KIAA0319: variants seen among roughly 807,000 people sequenced by gnomAD.
The protein encoded by KIAA0319 is KIAA0319, also known as dyslexia-associated protein KIAA0319.
KIAA0319 carries 83 observed loss-of-function variants against 108.4 expected under a neutral mutation model. The ratio of observed to expected loss-of-function variants is 0.77; its 90% CI spans 0.64 to 0.92. The LOEUF is 0.92. Ranked by LOEUF, KIAA0319 falls within the 40% of genes least tolerant of loss-of-function variation. KIAA0319 has a pLI of 0.00. For synonymous variants in KIAA0319, 484 were observed against 510.4 expected, an observed-to-expected ratio of 0.95 and a Z score of 0.70; for missense variants, 1,195 against 1,322.4, an observed-to-expected ratio of 0.90 and a Z score of 1.49.
chr6:24,563,587 G>C (rs1763409315), intron 15 of KIAA0319, 69 bp from the exon 16 acceptor site: 13 of 1,423,202 alleles, frequency 9.1e-6, no homozygotes, highest in Non-Finnish European at 1.1e-5. Flanking sequence ...AAGGAGCGAG[G>C]TTTCTATAGG....
chr6:24,569,744 T>C (rs1290112598), intron 12 of KIAA0319, among the ~76,000 whole-genome samples, 159 bp downstream of exon 12: 1 of 152,210 alleles, frequency 6.6e-6, no homozygotes, highest in Non-Finnish European at 1.5e-5. Context: ...ACACTTAATG[T>C]ACTCTTCAAT....
At chr6:24,554,206 G>A (rs73388230) in intron 19 of KIAA0319, among the ~76,000 whole-genome samples, 6,648 of 152,222 alleles carry the variant, frequency 0.044, 420 homozygotes, top group African/African-American at 0.14. Context: ...TGGTGTGTGC[G>A]AAGAAACTCC....
rs1270369552 is a variant in KIAA0319, at chr6:24,599,413, C to G, written c.55+1636G>C. 2 of 549,658 alleles carry G rather than the reference C, an allele frequency of 3.6e-6. No homozygotes were observed. Among genetic ancestry groups the G allele is most frequent in the Non-Finnish European group, 7.0e-6 (2 of 285,606 alleles). The allele number at this position is 549,658 out of a possible 1,614,324, so 34.0% of individuals were successfully genotyped here. A position where few individuals can be genotyped will look rare whatever the true frequency, so the allele number is the denominator to read the frequency against. On this transcript the variant is annotated intron_variant, in intron 2 of 20. Coordinates refer to ENST00000378214, the MANE Select transcript of KIAA0319 (RefSeq NM_014809.4). The surrounding 1 kb of genome is among the most constrained non-coding windows in gnomAD (Gnocchi z 4.1). ...ATTAAGGATGCCAATGCCAAGCTGT[C>G]CAAGCTGGAGGCCACCCTGCAGTGG...
At chr6:24,557,246 A>T (rs1762432968) in intron 17 of KIAA0319, among the ~76,000 whole-genome samples, 1 of 152,032 alleles carries the variant, frequency 6.6e-6, no homozygotes, top group African/African-American at 2.4e-5. Flanking sequence ...TCACGCCTGT[A>T]ATCCCGGCAC....
At chr6:24,572,878 G>A (rs1764926229) in intron 10 of KIAA0319, among the ~76,000 whole-genome samples, 180 bp from the exon 11 acceptor site, 1 of 152,174 alleles carries the variant, frequency 6.6e-6, no homozygotes, top group Admixed American at 6.5e-5. Context: ...CACTTTAGGA[G>A]GCCAAGGCAG....
At chr6:24,624,017 C>CTTTTTTTTTTT (rs536970883) in intron 1 of KIAA0319, among the ~76,000 whole-genome samples, 1 of 50,538 alleles carries the variant, frequency 2.0e-5, no homozygotes, top group Admixed American at 2.3e-4. Context: ...TCTTTGTTTT[C>CTTTTTTTTTTT]TTTTTTTTTT....
chr6:24,546,965 T>C lies in KIAA0319; in HGVS notation c.*200A>G. ...GAGTTTTACCCAGCCTTTATTTCTATTAACAAGCATCTCAGTTAAAAGAGC... is the reference window on the plus strand; with the variant it reads ...GAGTTTTACCCAGCCTTTATTTCTACTAACAAGCATCTCAGTTAAAAGAGC... On this transcript the variant is annotated 3_prime_UTR_variant, in exon 21 of 21. Transcript: ENST00000378214. The C allele has an allele frequency of 1.8e-6, 1 of 543,282 alleles. No homozygotes were observed. The highest frequency in any genetic ancestry group is 3.3e-6 in the Non-Finnish European group (1 of 304,702). 33.7% of individuals were successfully genotyped at this position (543,282 alleles called of 1,614,324 possible).
At chr6:24,629,340 C>T (rs1775178244) in intron 1 of KIAA0319, among the ~76,000 whole-genome samples, 1 of 151,638 alleles carries the variant, frequency 6.6e-6, no homozygotes, top group African/African-American at 2.4e-5. Flanking sequence ...ACGGTGAAAC[C>T]CCATCTCTAC....
At position 24,564,348 on chromosome 6, in the gene KIAA0319, A is replaced by C. The variant is rs751126414; in HGVS notation, c.2293-8T>G. On this transcript the variant is annotated splice_region_variant and splice_polypyrimidine_tract_variant and intron_variant, in intron 14 of 20. Coordinates refer to ENST00000378214, the MANE Select transcript of KIAA0319 (RefSeq NM_014809.4). ...AGAGCCATCGATGACATCCTGCGAA[A>C]GAACACGGATCACAGGGCAGCTGTC... 8.7e-6 allele frequency: 14 copies of C among 1,614,070 alleles called. No homozygotes were observed. Among genetic ancestry groups the C allele is most frequent in the Admixed American group, 1.7e-5 (1 of 60,010 alleles).
In KIAA0319 at chr6:24,599,080, C is replaced by G. The variant is rs745384710; in HGVS notation, c.55+1969G>C. The G allele has an allele frequency of 8.3e-6, 6 of 725,548 alleles. No homozygotes were observed. The highest frequency in any genetic ancestry group is 4.0e-5 in the Admixed American group (2 of 50,224). The allele number at this position is 725,548 out of a possible 1,614,324, so 44.9% of individuals were successfully genotyped here. On this transcript the variant is annotated intron_variant, in intron 2 of 20. Coordinates refer to ENST00000378214, the MANE Select transcript of KIAA0319 (RefSeq NM_014809.4). This position sits in a 1 kb window ranked among gnomAD's most constrained non-coding sequence, Gnocchi z 4.1. Reference sequence around the variant, plus strand: ...CTGCAGTCCCAGATCTGGGACACATCTGTGGTGCTGTCCATGGACAACAGC... The same window carrying G: ...CTGCAGTCCCAGATCTGGGACACATGTGTGGTGCTGTCCATGGACAACAGC...
intron 9 of KIAA0319, among the ~76,000 whole-genome samples, chr6:24,577,668 T>C (rs1019512672): frequency 6.6e-6 from 1 of 152,160 alleles, no homozygotes. Flanking sequence ...CATTCTGAGC[T>C]TCCTTCCACA....
At chr6:24,625,929 A>G (rs1194065596) in intron 1 of KIAA0319, among the ~76,000 whole-genome samples, 1 of 152,224 alleles carries the variant, frequency 6.6e-6, no homozygotes, top group African/African-American at 2.4e-5. Flanking sequence ...AACCTAAATG[A>G]ATGGAAATAA....
chr6:24,554,052 G>T (rs764415030), intron 19 of KIAA0319, among the ~76,000 whole-genome samples: 1 of 152,248 alleles, frequency 6.6e-6, no homozygotes, highest in Non-Finnish European at 1.5e-5. Context: ...CCTGGGGTAT[G>T]CAACTGGCAT....
intron 4 of KIAA0319, 95 bp downstream of exon 4, chr6:24,588,498 C>A: frequency 1.0e-6 from 1 of 991,050 alleles, no homozygotes; most frequent in Non-Finnish European, 1.6e-6. Context: ...GAAAAATGTG[C>A]CTGGAGGGAA....
chr6:24,592,516 T>A (rs1386238953), intron 3 of KIAA0319, among the ~76,000 whole-genome samples: 1 of 152,148 alleles, frequency 6.6e-6, no homozygotes, highest in African/African-American at 2.4e-5. Context: ...TTCTCCTACC[T>A]CCATCTCCCA....
rs766293131 is a variant in KIAA0319, at chr6:24,596,313, G to A, written c.361C>T (p.Leu121=). 3 of 1,614,030 alleles carry A rather than the reference G, an allele frequency of 1.9e-6. No individual in the cohort carries two copies. Among genetic ancestry groups the A allele is most frequent in the East Asian group, 2.2e-5 (1 of 44,886 alleles). The change falls in exon 3 of 21, where the codon CTG becomes TTG. Residue 121 remains leucine, a synonymous_variant. Transcript: ENST00000378214. ...ATCCCCGAGGGGGAGCCCCTGTTCA[G>A]CATCATGTCCCCATAGTCCAGCAGC... ...AQLLDYGDMM[L]NRGSPSGIWG... is the part of the protein sequence containing the mutation.
chr6:24,546,349 T>C lies in KIAA0319; in HGVS notation c.*816A>G, dbSNP rs1222207533. The C allele has an allele frequency of 6.6e-6, 1 of 152,176 alleles. No individual in the cohort carries two copies. The highest frequency in any genetic ancestry group is 2.4e-5 in the African/African-American group (1 of 41,434). The allele number at this position is 152,176 out of a possible 1,614,324, so 9.4% of individuals were successfully genotyped here. A position where few individuals can be genotyped will look rare whatever the true frequency, so the allele number is the denominator to read the frequency against. ...AAATGCTTAATGAATTAATCACTTCTATTGCATTTAATGTAAACTGGGGAT... is the reference window on the plus strand; with the variant it reads ...AAATGCTTAATGAATTAATCACTTCCATTGCATTTAATGTAAACTGGGGAT... On this transcript the variant is annotated 3_prime_UTR_variant, in exon 21 of 21. Transcript: ENST00000378214.
intron 1 of KIAA0319, among the ~76,000 whole-genome samples, chr6:24,623,225 A>G (rs1774217476): frequency 6.6e-6 from 1 of 152,190 alleles, no homozygotes; most frequent in Admixed American, 6.5e-5. Context: ...ACATGAACAC[A>G]AACACACACA....
intron 1 of KIAA0319, among the ~76,000 whole-genome samples, chr6:24,624,197 G>A (rs1250466597): frequency 7.9e-6 from 1 of 126,876 alleles, no homozygotes; most frequent in Non-Finnish European, 1.6e-5. Context: ...GCTAATTTTT[G>A]GGGTTGTTTT....
Sources: allele counts gnomAD v4.1 joint callset (sites outside exome capture counted in the v4.1 genomes callset), GRCh38; gene constraint gnomAD v4.1.1; non-coding constraint Gnocchi (gnomAD v3.1); transcripts MANE v1.5; gene names NCBI Gene and HGNC (gene_info 2026-07-23, HGNC 2026-07-21).